Variants in CACNB2 observed in about 807,000 individuals in gnomAD.
CACNB2 encodes the protein calcium voltage-gated channel auxiliary subunit beta 2.
Under a neutral mutation model 73.3 loss-of-function variants are expected in CACNB2, and 42 were observed. The ratio of observed to expected loss-of-function variants is 0.57; its 90% CI spans 0.45 to 0.74. The LOEUF (loss-of-function observed/expected upper bound fraction) is 0.74. CACNB2 is among the 30% of genes least tolerant of loss of function. CACNB2 has a pLI of 0.00. For synonymous variants in CACNB2, 348 were observed against 310.3 expected, an observed-to-expected ratio of 1.12 and a Z score of -1.28; for missense variants, 940 against 853.0, an observed-to-expected ratio of 1.10 and a Z score of -1.27.
intron 6 of CACNB2, among the ~76,000 whole-genome samples, chr10:18,511,805 C>T (rs1418236170): frequency 6.6e-6 from 1 of 152,150 alleles, no homozygotes; most frequent in Admixed American, 6.5e-5. Context: ...AGGGACTTCG[C>T]CTGGATGGGC....
chr10:18,268,992 T>C lies in CACNB2; in HGVS notation c.213+118017T>C, dbSNP rs552575790. ...CTGCTATGAGCTCCCAAATGTCCTT[T>C]AGGTCTGGCCTTCATGAGATGTTAT... On this transcript the variant is annotated intron_variant, in intron 2 of 13. Coordinates refer to ENST00000324631, the MANE Select transcript of CACNB2 (RefSeq NM_201596.3). 3.1e-4 allele frequency among the ~76,000 whole-genome samples: 47 copies of C among 152,236 alleles called. No individual in the cohort carries two copies. In the South Asian group the frequency reaches 5.2e-3, roughly 17 times the overall value.
intron 12 of CACNB2, 71 bp downstream of exon 12, chr10:18,536,267 TTTTTTTGGGG>T: frequency 4.9e-6 from 2 of 408,030 alleles, no homozygotes; most frequent in Non-Finnish European, 8.3e-6. Flanking sequence ...TTTTTTTTTT[TTTTTTTGGGG>T]GACAAGGTCT....
chr10:18,347,788 G>A (rs925479018), intron 2 of CACNB2, among the ~76,000 whole-genome samples: 1 of 152,128 alleles, frequency 6.6e-6, no homozygotes, highest in Non-Finnish European at 1.5e-5. Context: ...GAAATCTGAT[G>A]AGCCTGAGAT....
chr10:18,409,814 G>T (rs2044516258), intron 3 of CACNB2, among the ~76,000 whole-genome samples: 1 of 152,122 alleles, frequency 6.6e-6, no homozygotes, highest in Admixed American at 6.5e-5. Context: ...ACAGGCTTTT[G>T]GCAGTTGTCC....
intron 2 of CACNB2, among the ~76,000 whole-genome samples, chr10:18,184,412 AT>A (rs2131230965): frequency 6.6e-6 from 1 of 152,354 alleles, no homozygotes; most frequent in African/African-American, 2.4e-5. Flanking sequence ...CAGAAATCTC[AT>A]AAGCCCTAGA....
intron 2 of CACNB2, among the ~76,000 whole-genome samples, chr10:18,333,051 G>T (rs1202478363): frequency 1.3e-5 from 2 of 152,132 alleles, no homozygotes; most frequent in East Asian, 1.9e-4. Context: ...AGAATTGCTT[G>T]AAGTGGCAGC....
chr10:18,351,080 T>C (rs1385403384), intron 2 of CACNB2, among the ~76,000 whole-genome samples: 1 of 152,162 alleles, frequency 6.6e-6, no homozygotes, highest in Admixed American at 6.5e-5. Context: ...AGAGTCATTC[T>C]CACAGGAGAA....
At chr10:18,525,635 G>A (rs1037140858) in intron 9 of CACNB2, among the ~76,000 whole-genome samples, 4 of 152,024 alleles carry the variant, frequency 2.6e-5, no homozygotes, top group Admixed American at 2.6e-4. Flanking sequence ...TTCAACCCGT[G>A]TGCCGGACCC....
intron 2 of CACNB2, among the ~76,000 whole-genome samples, chr10:18,210,052 C>T (rs776925869): frequency 1.1e-4 from 17 of 152,140 alleles, no homozygotes; most frequent in Non-Finnish European, 1.9e-4. Flanking sequence ...GAAGAGGTCT[C>T]CTTTTGAGTT....
At chr10:18,382,819 C>T (rs368387545) in intron 2 of CACNB2, among the ~76,000 whole-genome samples, 5 of 152,224 alleles carry the variant, frequency 3.3e-5, no homozygotes, top group African/African-American at 1.2e-4. Context: ...TTCCATGTCT[C>T]TCCTATTGTG....
intron 2 of CACNB2, among the ~76,000 whole-genome samples, chr10:18,287,450 A>C (rs1428103589): frequency 1.3e-5 from 2 of 152,230 alleles, no homozygotes; most frequent in African/African-American, 4.8e-5. Flanking sequence ...AGGGAGTGTT[A>C]GTGATTTGAC....
At chr10:18,221,219 C>T (rs545631882) in intron 2 of CACNB2, among the ~76,000 whole-genome samples, 4 of 152,248 alleles carry the variant, frequency 2.6e-5, no homozygotes, top group South Asian at 2.1e-4. Flanking sequence ...TCCATTCTAG[C>T]GTGACTATAT....
intron 3 of CACNB2, among the ~76,000 whole-genome samples, chr10:18,462,077 T>A (rs1220773012): frequency 2.6e-5 from 4 of 152,206 alleles, no homozygotes; most frequent in Non-Finnish European, 4.4e-5. Flanking sequence ...ATTTTCCCCA[T>A]GCACACGAAC....
chr10:18,518,997 GGA>G (rs768338561), intron 9 of CACNB2, 29 bp downstream of exon 9: 15 of 1,608,032 alleles, frequency 9.3e-6, no homozygotes, highest in African/African-American at 5.3e-5. Flanking sequence ...TGGGTTTTGT[GGA>G]TTTTGTCTTA....
intron 3 of CACNB2, among the ~76,000 whole-genome samples, chr10:18,432,429 G>A (rs997955849): frequency 7.4e-6 from 1 of 134,694 alleles, no homozygotes; most frequent in Middle Eastern, 3.3e-3. Context: ...GCACTCTGTG[G>A]AGGGATGGAT....
At chr10:18,145,622 G>A (rs2030885987) in intron 1 of CACNB2, among the ~76,000 whole-genome samples, 1 of 151,964 alleles carries the variant, frequency 6.6e-6, no homozygotes, top group African/African-American at 2.4e-5. Context: ...TATAGCCTTG[G>A]CCCTTTCAAG....
At chr10:18,347,330 G>A (rs929710589) in intron 2 of CACNB2, among the ~76,000 whole-genome samples, 4 of 146,480 alleles carry the variant, frequency 2.7e-5, no homozygotes, top group East Asian at 4.1e-4. Context: ...GGCGCATGCC[G>A]CCATGCCCGT....
chr10:18,286,517 CAAAAAAAAAAAAAAAAAAAAA>C (rs770589594), intron 2 of CACNB2, among the ~76,000 whole-genome samples: 1 of 57,328 alleles, frequency 1.7e-5, no homozygotes, highest in Non-Finnish European at 3.4e-5. Flanking sequence ...GATTCTGTCT[CAAAAAAAAAAAAAAAAAAAAA>C]AAAAAAAAAA....
intron 3 of CACNB2, among the ~76,000 whole-genome samples, chr10:18,459,345 G>C (rs575654822): frequency 2.2e-4 from 33 of 152,272 alleles, no homozygotes; most frequent in African/African-American, 7.7e-4. Context: ...GAACAATTTT[G>C]AAGGAAGGAG....
Sources: gnomAD v4.1 joint callset for allele counts (sites outside exome capture counted in the v4.1 genomes callset) on GRCh38, gnomAD v4.1.1 for gene constraint, MANE v1.5 for transcripts, NCBI Gene and HGNC (gene_info 2026-07-23, HGNC 2026-07-21) for gene names.